ARHGAP15: variants seen among roughly 807,000 people sequenced by gnomAD.
ARHGAP15 encodes rho GTPase-activating protein 15.
Under a neutral mutation model 63.7 loss-of-function variants are expected in ARHGAP15, and 51 were observed. The ratio of observed to expected loss-of-function variants is 0.80; its 90% CI spans 0.64 to 1.01. The LOEUF is 1.01. ARHGAP15 is among the 50% of genes least tolerant of loss of function. The pLI is 0.00. For synonymous variants in ARHGAP15, 191 were observed against 193.8 expected, an observed-to-expected ratio of 0.99 and a Z score of 0.12; for missense variants, 560 against 564.6, an observed-to-expected ratio of 0.99 and a Z score of 0.08.
intron 12 of ARHGAP15, chr2:143,656,220 G>C (rs1681425693): frequency 3.3e-5 from 5 of 152,164 alleles, no homozygotes; most frequent in Admixed American, 3.3e-4. Flanking sequence ...GGCTGAAAGT[G>C]TCAACATAAA....
At chr2:143,536,688 A>G (rs1287203911) in intron 10 of ARHGAP15, among the ~76,000 whole-genome samples, 2 of 151,822 alleles carry the variant, frequency 1.3e-5, no homozygotes, top group African/African-American at 4.8e-5. Flanking sequence ...CCATGTCCCT[A>G]CAAAGAACAT....
intron 6 of ARHGAP15, among the ~76,000 whole-genome samples, chr2:143,281,890 A>G (rs1216186525): frequency 6.6e-6 from 1 of 152,086 alleles, no homozygotes; most frequent in Non-Finnish European, 1.5e-5. Flanking sequence ...ACCTAGCCAA[A>G]AATATTTTTA....
At chr2:143,696,506 A>T (rs531942099) in intron 12 of ARHGAP15, among the ~76,000 whole-genome samples, 1 of 152,246 alleles carries the variant, frequency 6.6e-6, no homozygotes, top group East Asian at 1.9e-4. Context: ...TCCTAAGAGC[A>T]TGCTGTACAT....
At chr2:143,485,359 T>C (rs1485926783) in intron 8 of ARHGAP15, among the ~76,000 whole-genome samples, 5 of 152,198 alleles carry the variant, frequency 3.3e-5, no homozygotes, top group Admixed American at 1.3e-4. Flanking sequence ...TGTACTTTTA[T>C]TATCAATTCA....
At chr2:143,741,946 G>A (rs1402526720) in intron 13 of ARHGAP15, among the ~76,000 whole-genome samples, 6 of 152,058 alleles carry the variant, frequency 3.9e-5, no homozygotes, top group Non-Finnish European at 7.4e-5. Flanking sequence ...AGGAAGGGAA[G>A]AAAAAACAAT....
At chr2:143,656,124 C>T (rs1212494003) in intron 12 of ARHGAP15, 2 of 152,114 alleles carry the variant, frequency 1.3e-5, no homozygotes, top group Non-Finnish European at 2.9e-5. Flanking sequence ...ATGATGCTTA[C>T]CTTGCATACA....
At chr2:143,472,704 A>G (rs1033110717) in intron 8 of ARHGAP15, among the ~76,000 whole-genome samples, 1 of 151,938 alleles carries the variant, frequency 6.6e-6, no homozygotes, top group Non-Finnish European at 1.5e-5. Flanking sequence ...GATGGGGGGA[A>G]TGATGAAGAG....
At chr2:143,694,225 T>G (rs1683742732) in intron 12 of ARHGAP15, among the ~76,000 whole-genome samples, 1 of 152,040 alleles carries the variant, frequency 6.6e-6, no homozygotes. Flanking sequence ...GAATACAAGC[T>G]GTGGCAAAAA....
intron 13 of ARHGAP15, among the ~76,000 whole-genome samples, chr2:143,763,115 G>T (rs914665171): frequency 6.6e-6 from 1 of 151,774 alleles, no homozygotes; most frequent in African/African-American, 2.4e-5. Flanking sequence ...TCTCTAGCTG[G>T]TCCCCACAGT....
intron 6 of ARHGAP15, among the ~76,000 whole-genome samples, chr2:143,262,848 C>T (rs1422043268): frequency 6.6e-6 from 1 of 152,048 alleles, no homozygotes; most frequent in Non-Finnish European, 1.5e-5. Context: ...GCAGAACTCT[C>T]CCGTATCCCA....
intron 6 of ARHGAP15, among the ~76,000 whole-genome samples, chr2:143,398,456 T>C (rs532656550): frequency 1.2e-4 from 19 of 152,082 alleles, no homozygotes; most frequent in Non-Finnish European, 2.4e-4. Flanking sequence ...ACTCAGTTCA[T>C]AGGCACAGAT....
rs1185982839 is a variant in ARHGAP15, at chr2:143,603,009, CTTAT to C, written c.1004-21120_1004-21117del. ...TAATGTTGCCCAGCATGATAAAATACTTATTTAAACAGGTGTATCAGTCTCAGAG... is the reference window on the plus strand; with the variant it reads ...TAATGTTGCCCAGCATGATAAAATACTTAAACAGGTGTATCAGTCTCAGAG... On this transcript the variant is annotated intron_variant, in intron 11 of 13. Coordinates refer to ENST00000295095, the MANE Select transcript of ARHGAP15 (RefSeq NM_018460.4). Among the ~76,000 whole-genome samples, 3 of 152,156 alleles carry C rather than the reference CTTAT, an allele frequency of 2.0e-5. No homozygotes were observed. In the East Asian group the frequency reaches 5.8e-4, roughly 29 times the overall value.
At chr2:143,469,955 C>T (rs1048716332) in intron 8 of ARHGAP15, among the ~76,000 whole-genome samples, 1 of 151,906 alleles carries the variant, frequency 6.6e-6, no homozygotes, top group Non-Finnish European at 1.5e-5. Context: ...CTCACTCTCT[C>T]TCTTTTTTTT....
chr2:143,767,965 A>ATTTTTT, intron 13 of ARHGAP15, 24 bp from the exon 14 acceptor site: 2 of 1,582,950 alleles, frequency 1.3e-6, no homozygotes, highest in Non-Finnish European at 8.6e-7. Flanking sequence ...CAGTGAAATT[A>ATTTTTT]TTTTTTTTTC....
chr2:143,696,185 A>G lies in ARHGAP15; in HGVS notation c.1139-7234A>G, dbSNP rs190241328. ...TAGATGATCCCTTCAGTTAGAAGAA[A>G]GACATAAACTTCACTGACACCTACA... On this transcript the variant is annotated intron_variant, in intron 12 of 13. Coordinates refer to ENST00000295095, the MANE Select transcript of ARHGAP15 (RefSeq NM_018460.4). Among the ~76,000 whole-genome samples the G allele has an allele frequency of 6.0e-3, 916 of 152,158 alleles. 10 individuals carry two copies. The highest frequency in any genetic ancestry group is 0.021 in the African/African-American group (868 of 41,520).
chr2:143,416,620 T>C (rs1384790487), intron 6 of ARHGAP15, among the ~76,000 whole-genome samples: 1 of 152,188 alleles, frequency 6.6e-6, no homozygotes. Context: ...TGGTAAGCCC[T>C]TTCTTTTGTT....
chr2:143,407,987 GTATATATATATATATATATATA>G (rs58194704), intron 6 of ARHGAP15, among the ~76,000 whole-genome samples: 67 of 77,458 alleles, frequency 8.6e-4, no homozygotes, highest in South Asian at 4.3e-3. Context: ...TTCTGTGTGT[GTATATATATATATATATATATA>G]TATATATATA....
chr2:143,419,033 G>A (rs1247625888), intron 6 of ARHGAP15, among the ~76,000 whole-genome samples: 1 of 152,004 alleles, frequency 6.6e-6, no homozygotes, highest in Non-Finnish European at 1.5e-5. Flanking sequence ...AAAATAAATT[G>A]GGGAAAATTT....
chr2:143,511,611 G>A (rs142642864), intron 9 of ARHGAP15, among the ~76,000 whole-genome samples: 193 of 152,068 alleles, frequency 1.3e-3, no homozygotes, highest in African/African-American at 4.5e-3. Flanking sequence ...GAGGAGAGTA[G>A]AAATAATCCT....
Sources: gnomAD v4.1 joint callset for allele counts (sites outside exome capture counted in the v4.1 genomes callset) on GRCh38, gnomAD v4.1.1 for gene constraint, MANE v1.5 for transcripts, NCBI Gene and HGNC (gene_info 2026-07-23, HGNC 2026-07-21) for gene names.